Variants in PPARD observed in about 807,000 individuals in gnomAD.
PPARD encodes the protein peroxisome proliferator-activated receptor delta.
In PPARD, 6 loss-of-function variants were observed where a neutral mutation model predicts 39.5. The observed-to-expected ratio is 0.15, with a 90% CI of 0.08 to 0.30. PPARD has a LOEUF of 0.30. Ranked by LOEUF, PPARD falls within the 10% of genes least tolerant of loss-of-function variation. The probability of loss-of-function intolerance (pLI) is 1.00; values close to 1 mark genes in which losing one functional copy is unlikely to be tolerated. For synonymous variants in PPARD, 210 were observed against 231.3 expected (o/e 0.91, Z 0.83); for missense variants, 397 against 596.8 (o/e 0.67, Z 3.49).
intron 2 of PPARD, among the ~76,000 whole-genome samples, chr6:35,405,970 A>C (rs566232494): frequency 1.3e-5 from 2 of 151,492 alleles, no homozygotes; most frequent in Non-Finnish European, 2.9e-5. Context: ...ATCTGTCCTC[A>C]GGCTGGAGTG....
intron 2 of PPARD, among the ~76,000 whole-genome samples, chr6:35,404,622 C>T (rs1235811558): frequency 6.6e-6 from 1 of 152,198 alleles, no homozygotes; most frequent in African/African-American, 2.4e-5. Flanking sequence ...TGGGGGTTGC[C>T]CAGCTGACCA....
intron 2 of PPARD, among the ~76,000 whole-genome samples, chr6:35,390,683 A>C (rs2150666404): frequency 6.6e-6 from 1 of 151,970 alleles, no homozygotes; most frequent in Non-Finnish European, 1.5e-5. Context: ...TAAAAAAAAA[A>C]GAAAGAAAAG....
chr6:35,350,088 C>T (rs765168943), intron 2 of PPARD, among the ~76,000 whole-genome samples: 54 of 152,126 alleles, frequency 3.5e-4, no homozygotes, highest in Non-Finnish European at 5.0e-4. Context: ...TTTTGCCCAT[C>T]CTTTTATTAG....
At chr6:35,377,128 CTCT>C (rs994137860) in intron 2 of PPARD, among the ~76,000 whole-genome samples, 1 of 152,128 alleles carries the variant, frequency 6.6e-6, no homozygotes, top group African/African-American at 2.4e-5. Flanking sequence ...CTTTGAGGCT[CTCT>C]TCTTGATACT....
At chr6:35,384,107 C>G (rs1186723864) in intron 2 of PPARD, among the ~76,000 whole-genome samples, 61 of 145,748 alleles carry the variant, frequency 4.2e-4, no homozygotes, top group African/African-American at 1.5e-3. Flanking sequence ...GCCTCCCGCC[C>G]GGCCAGCCGC....
At position 35,426,317 on chromosome 6, in the gene PPARD, T is replaced by C. The variant is rs199518097; in HGVS notation, c.*238T>C. ...CCTCTTTCTCAGTTCCTCTTTCTTTTCTAATTCCTGTTGCTCTGTTTCTTC... is the reference window on the plus strand; with the variant it reads ...CCTCTTTCTCAGTTCCTCTTTCTTTCCTAATTCCTGTTGCTCTGTTTCTTC... On this transcript the variant is annotated 3_prime_UTR_variant, in exon 8 of 8. Transcript: ENST00000360694. The C allele has an allele frequency of 1.7e-6, 1 of 581,334 alleles. No individual in the cohort carries two copies. Among genetic ancestry groups the C allele is most frequent in the Non-Finnish European group, 3.0e-6 (1 of 330,494 alleles). 36.0% of individuals were successfully genotyped at this position (581,334 alleles called of 1,614,324 possible).
chr6:35,356,741 A>G (rs751721255), intron 2 of PPARD, among the ~76,000 whole-genome samples: 4 of 152,276 alleles, frequency 2.6e-5, no homozygotes, highest in Non-Finnish European at 4.4e-5. Context: ...AATGTCTCCT[A>G]GGGGGCAAAA....
At chr6:35,344,864 C>T (rs1457876247) in intron 1 of PPARD, among the ~76,000 whole-genome samples, 1 of 152,170 alleles carries the variant, frequency 6.6e-6, no homozygotes, top group Non-Finnish European at 1.5e-5. Flanking sequence ...TCCACTGACC[C>T]CCAGACCCCC....
chr6:35,345,270 C>A lies in PPARD; in HGVS notation c.-185-1797C>A, dbSNP rs60217496. Reference sequence around the variant, plus strand: ...CCCCATTCAGTGATTTTTGCAGAGTCTGGGTCTGGATTTTCTTTCCTTCTT... The same window carrying A: ...CCCCATTCAGTGATTTTTGCAGAGTATGGGTCTGGATTTTCTTTCCTTCTT... On this transcript the variant is annotated intron_variant, in intron 1 of 7. Transcript: ENST00000360694. Among the ~76,000 whole-genome samples the A allele has an allele frequency of 4.7e-3, 709 of 152,232 alleles. 6 individuals are homozygous for A. Among genetic ancestry groups the A allele is most frequent in the African/African-American group, 0.016 (651 of 41,542 alleles).
At chr6:35,410,851 C>A in intron 2 of PPARD, 136 bp from the exon 3 acceptor site, 2 of 1,105,786 alleles carry the variant, frequency 1.8e-6, no homozygotes, top group South Asian at 8.8e-5. Flanking sequence ...CATGGTATAG[C>A]ACTGCAGGAA....
intron 2 of PPARD, among the ~76,000 whole-genome samples, chr6:35,393,380 C>G (rs1027001249): frequency 6.6e-6 from 1 of 152,190 alleles, no homozygotes; most frequent in African/African-American, 2.4e-5. Context: ...CCTTCTCTCT[C>G]CTGCTAGGTG....
chr6:35,399,966 G>T (rs1764597296), intron 2 of PPARD, among the ~76,000 whole-genome samples: 1 of 152,158 alleles, frequency 6.6e-6, no homozygotes, highest in Non-Finnish European at 1.5e-5. Flanking sequence ...ACATTGCAGT[G>T]AACAGCTCAG....
At chr6:35,388,936 G>T (rs566380837) in intron 2 of PPARD, among the ~76,000 whole-genome samples, 1 of 152,330 alleles carries the variant, frequency 6.6e-6, no homozygotes, top group East Asian at 1.9e-4. Flanking sequence ...CTCAGTGCCT[G>T]CCCTCTGTGG....
intron 2 of PPARD, among the ~76,000 whole-genome samples, chr6:35,385,544 C>T (rs1763580590): frequency 1.4e-5 from 2 of 144,772 alleles, no homozygotes; most frequent in African/African-American, 5.0e-5. Context: ...CCTTTGTTCA[C>T]TTGTTTATCT....
intron 2 of PPARD, among the ~76,000 whole-genome samples, chr6:35,373,123 C>T (rs1762592497): frequency 6.6e-6 from 1 of 152,058 alleles, no homozygotes; most frequent in East Asian, 1.9e-4. Flanking sequence ...TTCCCTGGAG[C>T]CCTTTTATAA....
chr6:35,413,390 A>G (rs1765554372), intron 3 of PPARD, among the ~76,000 whole-genome samples: 1 of 152,260 alleles, frequency 6.6e-6, no homozygotes, highest in African/African-American at 2.4e-5. Flanking sequence ...TTGTTCAGTC[A>G]TTGAAACAGG....
At chr6:35,355,850 A>C (rs1293759047) in intron 2 of PPARD, among the ~76,000 whole-genome samples, 1 of 151,376 alleles carries the variant, frequency 6.6e-6, no homozygotes, top group Non-Finnish European at 1.5e-5. Context: ...TGACCTTGTG[A>C]TCCGCCCGTC....
At position 35,394,965 on chromosome 6, in the gene PPARD, A is replaced by G. The variant is rs181775855; in HGVS notation, c.-101-16022A>G. On this transcript the variant is annotated intron_variant, in intron 2 of 7. Transcript: ENST00000360694. ...CTCACAGATAGAAAGCCTGAGCCAC[A>G]GAGAGGGTAGCAGGTTGCCCAGAGG... Among the ~76,000 whole-genome samples the G allele has an allele frequency of 1.5e-3, 235 of 152,290 alleles. 1 individual carries two copies. Among genetic ancestry groups the G allele is most frequent in the African/African-American group, 4.9e-3 (202 of 41,554 alleles).
chr6:35,372,009 G>A (rs1359346383), intron 2 of PPARD, among the ~76,000 whole-genome samples: 1 of 152,190 alleles, frequency 6.6e-6, no homozygotes, highest in Admixed American at 6.5e-5. Flanking sequence ...TTTCTAAGGT[G>A]GGTCTGGGTT....
Sources: allele counts gnomAD v4.1 joint callset (sites outside exome capture counted in the v4.1 genomes callset), GRCh38; gene constraint gnomAD v4.1.1; transcripts MANE v1.5; gene names NCBI Gene and HGNC (gene_info 2026-07-23, HGNC 2026-07-21).